Variants in LY9 observed in about 807,000 individuals in gnomAD.
LY9 encodes T-lymphocyte surface antigen Ly-9.
In LY9, 59 loss-of-function variants were observed where a neutral mutation model predicts 64.6. That is an observed-to-expected ratio of 0.91 (90% CI 0.74 to 1.13). The LOEUF (loss-of-function observed/expected upper bound fraction) is 1.13. Ranked by LOEUF, LY9 falls within the 50% of genes most tolerant of loss-of-function variation. The pLI is 0.00. For missense variants in LY9, 789 were observed against 797.2 expected (o/e 0.99, Z 0.12); for synonymous variants, 281 against 308.5 (o/e 0.91, Z 0.93).
chr1:160,821,255 C>T (rs1237580340), intron 7 of LY9, among the ~76,000 whole-genome samples: 1 of 151,690 alleles, frequency 6.6e-6, no homozygotes, highest in Non-Finnish European at 1.5e-5. Context: ...CAAGAGACAA[C>T]CACTGCTGAG....
chr1:160,814,599 A>C lies in LY9; in HGVS notation c.910A>C (p.Lys304Gln). The C allele has an allele frequency of 6.2e-7, 1 of 1,614,188 alleles. No homozygotes were observed. Among genetic ancestry groups the C allele is most frequent in the Non-Finnish European group, 8.5e-7 (1 of 1,180,030 alleles). The change falls in exon 4 of 10, where the codon AAA (lysine) becomes CAA (glutamine). Residue 304 changes from lysine to glutamine, a missense_variant. Transcript: ENST00000263285. Reference protein sequence around the residue: ...EEAATADPLIKSRDPYKNRVW... With the variant: ...EEAATADPLIQSRDPYKNRVW... ...AGCAGCAACGGCAGATCCACTCATT[A>C]AATCCAGGGATCCTTACAAGAACAG...
intron 6 of LY9, among the ~76,000 whole-genome samples, chr1:160,818,751 A>G (rs550589177): frequency 2.0e-5 from 3 of 152,134 alleles, no homozygotes; most frequent in Non-Finnish European, 4.4e-5. Flanking sequence ...AGTGTACCAC[A>G]ACACAACAGC....
chr1:160,805,092 C>A (rs1374785374), intron 2 of LY9, among the ~76,000 whole-genome samples: 1 of 152,028 alleles, frequency 6.6e-6, no homozygotes, highest in African/African-American at 2.4e-5. Flanking sequence ...TTAGTCCCTA[C>A]TTCATCGAGT....
At chr1:160,824,400 A>C in intron 9 of LY9, 151 bp downstream of exon 9, 2 of 1,424,842 alleles carry the variant, frequency 1.4e-6, no homozygotes, top group Non-Finnish European at 1.8e-6. Context: ...TGGTCAACAG[A>C]GATGCATAAA....
chr1:160,815,517 G>A (rs1667879853), intron 4 of LY9, among the ~76,000 whole-genome samples: 1 of 152,168 alleles, frequency 6.6e-6, no homozygotes, highest in Admixed American at 6.5e-5. Context: ...CTCCCAAGTA[G>A]CTGGGACTAC....
In LY9 at chr1:160,814,758, T is replaced by C; in HGVS notation, c.1069T>C (p.Tyr357His). 1 of 1,611,066 alleles carries C rather than the reference T, an allele frequency of 6.2e-7. No homozygotes were observed. Residue 357 changes from tyrosine (Y) to histidine (H), a missense_variant, in exon 4 of 10, where the codon TAC (tyrosine) becomes CAC (histidine). Physicochemically the swap from Tyr to His is moderately conservative, Grantham distance 83 (BLOSUM62 2). Coordinates refer to ENST00000263285, the MANE Select transcript of LY9 (RefSeq NM_002348.4). ...CATGACACATGTCACCCTGCTCATC[T>C]ACCGTGAGTCTCTGGGCAGGGCACC... ...TSMTHVTLLIYRRLRKPKITW... is the reference protein window; with the variant it reads ...TSMTHVTLLIHRRLRKPKITW...
chr1:160,802,486 G>A, intron 2 of LY9: 2 of 985,652 alleles, frequency 2.0e-6, no homozygotes, highest in Non-Finnish European at 1.2e-6. Flanking sequence ...TGCGGAGCTG[G>A]CCTCCAACCC....
rs1668954815 is a variant in LY9 at position 160,828,060 on chromosome 1, C to T, written c.*244C>T. The T allele has an allele frequency of 6.2e-6, 2 of 321,252 alleles. No individual in the cohort carries two copies. The highest frequency in any genetic ancestry group is 5.8e-6 in the Non-Finnish European group (1 of 173,854). The allele number at this position is 321,252 out of a possible 1,614,324, so 19.9% of individuals were successfully genotyped here. On this transcript the variant is annotated 3_prime_UTR_variant, in exon 10 of 10. Transcript: ENST00000263285. ...GATGTCTTTGCCCCATTTGTCACCT[C>T]GCACACTTATAGCGTTTCCTCCTCG...
chr1:160,802,110 C>A, intron 2 of LY9: 5 of 1,375,990 alleles, frequency 3.6e-6, no homozygotes, highest in Non-Finnish European at 4.7e-6. Context: ...ACACCGGAGC[C>A]GCCAACTTGG....
At chr1:160,822,177 C>T (rs1033167985) in intron 7 of LY9, among the ~76,000 whole-genome samples, 1 of 151,830 alleles carries the variant, frequency 6.6e-6, no homozygotes, top group Non-Finnish European at 1.5e-5. Context: ...AGTTTAGGAG[C>T]GGACGTTCAA....
rs479737 is a variant in LY9 at position 160,817,774 on chromosome 1, C to T, written c.1343-444C>T. ...CCCTGAGCTCTATCTTCTGCTCTTC[C>T]GTAGAAGGAAGCAGAAAAAAGGTAC... On this transcript the variant is annotated intron_variant, in intron 5 of 9. Transcript: ENST00000263285. Among the ~76,000 whole-genome samples, 593 of 152,250 alleles carry T rather than the reference C, an allele frequency of 3.9e-3. 4 individuals carry two copies. Among genetic ancestry groups the T allele is most frequent in the Non-Finnish European group, 6.9e-3 (471 of 68,024 alleles).
In LY9 at chr1:160,824,336, C is replaced by G. The variant is rs565067434; in HGVS notation, c.1899+87C>G. Reference sequence around the variant, plus strand: ...CCTTTGAACTGAAAATCCGAGATTCCCATGGCTAAGGATCTTAAATTCTAC... The same window carrying G: ...CCTTTGAACTGAAAATCCGAGATTCGCATGGCTAAGGATCTTAAATTCTAC... On this transcript the variant is annotated intron_variant, in intron 9 of 9. Coordinates refer to ENST00000263285, the MANE Select transcript of LY9 (RefSeq NM_002348.4). 10 of 1,578,000 alleles carry G rather than the reference C, an allele frequency of 6.3e-6. No homozygotes were observed. In the East Asian group the frequency reaches 6.8e-5, roughly 11 times the overall value.
At chr1:160,808,062 A>G (rs1366580944) in intron 2 of LY9, among the ~76,000 whole-genome samples, 2 of 152,104 alleles carry the variant, frequency 1.3e-5, no homozygotes, top group Non-Finnish European at 2.9e-5. Context: ...CTTGGATGGC[A>G]GATGGGGAAT....
rs146247023 is a variant in LY9, at chr1:160,823,445, C to T, written c.1499-20C>T. The T allele has an allele frequency of 1.1e-3, 1,799 of 1,587,248 alleles. 16 individuals carry two copies. The African/African-American group carries it at 0.021, about 18-fold the overall frequency. ...GGTGGGGTTGGCATACTTTTATCAG[C>T]CCTGCACAATGTGTTCCAGAACCCA... is the stretch of plus-strand genomic sequence containing the variant. On this transcript the variant is annotated intron_variant, in intron 7 of 9. Transcript: ENST00000263285.
rs1352000137 is a variant in LY9, at chr1:160,827,733, A to C, written c.1900-15A>C. ...CTTTATTAACCATATTCTTTTGTGG[A>C]TTTTTGGCTCACAGGTGGTGCCACC... On this transcript the variant is annotated splice_polypyrimidine_tract_variant and intron_variant, in intron 9 of 9. Coordinates refer to ENST00000263285, the MANE Select transcript of LY9 (RefSeq NM_002348.4). 6.3e-6 allele frequency: 10 copies of C among 1,597,480 alleles called. 3 individuals carry two copies. In the South Asian group the frequency reaches 1.1e-4, roughly 18 times the overall value.
At position 160,815,091 on chromosome 1, in the gene LY9, G is replaced by A. The variant is rs138658875; in HGVS notation, c.1072+330G>A. 3.0e-3 allele frequency: 754 copies of A among 252,800 alleles called. 3 individuals carry two copies. Among genetic ancestry groups the A allele is most frequent in the African/African-American group, 0.015 (696 of 46,064 alleles). 15.7% of individuals were successfully genotyped at this position (252,800 alleles called of 1,614,324 possible). On this transcript the variant is annotated intron_variant, in intron 4 of 9. Transcript: ENST00000263285. ...TGCGGTGGCTCACACCTATAATCCC[G>A]GTACTTTGGGAGGCTGAGGCAGGTG...
chr1:160,815,021 C>T lies in LY9; in HGVS notation c.1072+260C>T, dbSNP rs983843436. On this transcript the variant is annotated intron_variant, in intron 4 of 9. Transcript: ENST00000263285. ...CCACCACCCAACTTTAGGTGCTTGCCCCGGTCCTTCTGCACTGAGTGTCAG... is the reference window on the plus strand; with the variant it reads ...CCACCACCCAACTTTAGGTGCTTGCTCCGGTCCTTCTGCACTGAGTGTCAG... 1.9e-5 allele frequency: 10 copies of T among 513,204 alleles called. No individual in the cohort carries two copies. The Admixed American group carries it at 3.2e-4, about 16-fold the overall frequency. The allele number at this position is 513,204 out of a possible 1,614,324, so 31.8% of individuals were successfully genotyped here. A position where few individuals can be genotyped will look rare whatever the true frequency, so the allele number is the denominator to read the frequency against.
chr1:160,799,780 C>T lies in LY9; in HGVS notation c.152C>T (p.Ala51Val), dbSNP rs144526179. 5.0e-6 allele frequency: 8 copies of T among 1,613,444 alleles called. No homozygotes were observed. In the African/African-American group the frequency reaches 1.1e-4, roughly 22 times the overall value. ...CTAAGAGCCTCTGGAAAGGACTCAG[C>T]CCCAACAGTGGTGTCAGGGATCCTA... ...MGLRASGKDS[A>V]PTVVSGILGG... Residue 51 changes from alanine (A) to valine (V), a missense_variant, in exon 2 of 10, where the codon GCC becomes GTC. Physicochemically the swap from Ala to Val is moderately conservative, Grantham distance 64 (BLOSUM62 0). Transcript: ENST00000263285.
chr1:160,816,930 T>C (rs906825931), intron 5 of LY9, 67 bp downstream of exon 5: 1 of 1,518,816 alleles, frequency 6.6e-7, no homozygotes, highest in East Asian at 2.3e-5. Context: ...GCATCCTGAC[T>C]GATTCTTTAT....
Sources: gnomAD v4.1 joint callset for allele counts (sites outside exome capture counted in the v4.1 genomes callset) on GRCh38, gnomAD v4.1.1 for gene constraint, MANE v1.5 for transcripts, NCBI Gene and HGNC (gene_info 2026-07-23, HGNC 2026-07-21) for gene names.